The following DCAF8L2 variants were observed in gnomAD, a reference collection of about 807,000 sequenced individuals.
DCAF8L2 encodes DDB1- and CUL4-associated factor 8-like protein 2.
For synonymous variants in DCAF8L2, 200 were observed against 190.9 expected (o/e 1.05, Z -0.39); for missense variants, 430 against 490.7 (o/e 0.88, Z 1.17).
At chrX:27,518,956 G>GT in the DCAF8L2 span, 1 of 605,340 alleles carries the variant, frequency 1.7e-6, no homozygotes, top group Non-Finnish European at 2.8e-6. Flanking sequence ...ACCTGATTTT[G>GT]TTTTTTATGC....
At chrX:27,608,820 T>C (rs937406793) in intron 1 of DCAF8L2, among the ~76,000 whole-genome samples, 1 of 110,621 alleles carries the variant, frequency 9.0e-6, no homozygotes, top group African/African-American at 3.3e-5. Flanking sequence ...AATTTCACTT[T>C]CCTAGGAGAG....
intron 2 of DCAF8L2, among the ~76,000 whole-genome samples, chrX:27,670,479 T>G (rs1333696010): frequency 3.6e-5 from 4 of 111,612 alleles, no homozygotes; most frequent in Admixed American, 9.6e-5. Context: ...AGTGGGTTGT[T>G]GCTGCAGGCT....
intron 2 of DCAF8L2, among the ~76,000 whole-genome samples, chrX:27,671,328 T>C (rs2147226576): frequency 8.9e-6 from 1 of 112,286 alleles, no homozygotes; most frequent in South Asian, 3.7e-4. Flanking sequence ...CAAATTCATC[T>C]TTATTCTGCC....
At chrX:27,557,203 A>G in the DCAF8L2 span, among the ~76,000 whole-genome samples, 2 of 112,402 alleles carry the variant, frequency 1.8e-5, no homozygotes, top group South Asian at 3.7e-4. Flanking sequence ...AATTATTTCT[A>G]TCAGTTTGAA....
chrX:27,537,310 G>A, the DCAF8L2 span, among the ~76,000 whole-genome samples: 3 of 111,769 alleles, frequency 2.7e-5, no homozygotes, highest in East Asian at 8.4e-4. Flanking sequence ...TACAGTTTAA[G>A]CACAGAAATA....
At chrX:27,703,220 G>A (rs1293181256) in intron 3 of DCAF8L2, among the ~76,000 whole-genome samples, 2 of 111,400 alleles carry the variant, frequency 1.8e-5, no homozygotes, top group African/African-American at 6.5e-5. Flanking sequence ...CACATCCCAT[G>A]TTGACAGAAC....
chrX:27,481,934 G>A, the DCAF8L2 span, among the ~76,000 whole-genome samples: 17 of 111,408 alleles, frequency 1.5e-4, no homozygotes, highest in Non-Finnish European at 3.2e-4. Flanking sequence ...AGTTGATTTG[G>A]ACATATTATA....
chrX:27,656,087 A>G (rs901603809), intron 2 of DCAF8L2, among the ~76,000 whole-genome samples: 1 of 111,609 alleles, frequency 9.0e-6, no homozygotes, highest in Non-Finnish European at 1.9e-5. Context: ...TATTTGTGGA[A>G]GAATATGTAG....
intron 1 of DCAF8L2, among the ~76,000 whole-genome samples, chrX:27,611,822 T>C (rs1193644658): frequency 9.0e-6 from 1 of 111,488 alleles, no homozygotes; most frequent in Non-Finnish European, 1.9e-5. Flanking sequence ...ATGTGCCACA[T>C]TTTCTTAATC....
chrX:27,747,268 G>C lies in DCAF8L2; in HGVS notation c.373G>C (p.Gly125Arg). The C allele has an allele frequency of 5.2e-6, 6 of 1,143,283 alleles. No homozygotes were observed. The highest frequency in any genetic ancestry group is 6.9e-6 in the Non-Finnish European group (6 of 864,085). The allele number at this position is 1,143,283 out of a possible 1,213,427, so 94.2% of individuals were successfully genotyped here. A position where few individuals can be genotyped will look rare whatever the true frequency, so the allele number is the denominator to read the frequency against. ...AGACGAAGAGATACAAGAGGAGGGA[G>C]GGGAGGAGGAGGAAGAGGAGGAGGA... is the stretch of plus-strand genomic sequence containing the variant. ...EEDEEIQEEG[G>R]EEEEEEEEEE... The change falls in exon 5 of 5, where the codon GGG becomes CGG. Residue 125 changes from glycine (G) to arginine (R), a missense_variant. By Grantham distance (125) the Gly-to-Arg change is moderately radical. Coordinates refer to ENST00000451261, the MANE Select transcript of DCAF8L2 (RefSeq NM_001353450.2).
At chrX:27,685,361 G>T (rs2147245702) in intron 3 of DCAF8L2, among the ~76,000 whole-genome samples, 1 of 111,272 alleles carries the variant, frequency 9.0e-6, no homozygotes. Context: ...ATAATTTGTG[G>T]GTGACAAGAC....
chrX:27,476,990 T>G, the DCAF8L2 span, among the ~76,000 whole-genome samples: 10 of 112,254 alleles, frequency 8.9e-5, no homozygotes, highest in South Asian at 3.7e-3. Context: ...CTAGGACAAG[T>G]TGAAAGTAGG....
At chrX:27,523,923 C>G in the DCAF8L2 span, among the ~76,000 whole-genome samples, 2 of 111,073 alleles carry the variant, frequency 1.8e-5, no homozygotes, top group Non-Finnish European at 3.8e-5. Flanking sequence ...CAGCTTCATT[C>G]CGTTTGCCGG....
At chrX:27,568,820 G>A in the DCAF8L2 span, among the ~76,000 whole-genome samples, 4 of 102,624 alleles carry the variant, frequency 3.9e-5, no homozygotes, top group Non-Finnish European at 7.9e-5. Flanking sequence ...ATCCCTCCCC[G>A]CTCCCCCCAC....
chrX:27,609,451 C>T (rs1927059732), intron 1 of DCAF8L2, among the ~76,000 whole-genome samples: 1 of 111,502 alleles, frequency 9.0e-6, no homozygotes, highest in African/African-American at 3.3e-5. Context: ...AAAATTCTGG[C>T]TACATTTCAA....
chrX:27,488,481 G>A, the DCAF8L2 span, among the ~76,000 whole-genome samples: 2 of 106,025 alleles, frequency 1.9e-5, no homozygotes, highest in African/African-American at 6.8e-5. Flanking sequence ...AAACACAAAG[G>A]CTTTTTTACA....
chrX:27,502,333 AAAATATATATATATATATAT>A, the DCAF8L2 span, among the ~76,000 whole-genome samples: 17 of 23,308 alleles, frequency 7.3e-4, 1 homozygote, highest in East Asian at 0.011. Flanking sequence ...AAAAAAAAAA[AAAATATATATATATATATAT>A]ATATATATAT....
the DCAF8L2 span, chrX:27,519,717 G>A: frequency 1.8e-6 from 1 of 570,135 alleles, no homozygotes. Context: ...GTGTTAAGAA[G>A]CAACTTCAGG....
At position 27,621,704 on chromosome X, in the gene DCAF8L2, G is replaced by T. The variant is rs184927335; in HGVS notation, c.-341-10175G>T. Among the ~76,000 whole-genome samples, 305 of 111,909 alleles carry T rather than the reference G, an allele frequency of 2.7e-3. 1 individual carries two copies. Among genetic ancestry groups the T allele is most frequent in the African/African-American group, 9.3e-3 (287 of 30,821 alleles). ...ATGTGTGCAATAGGAGTTCTATTAA[G>T]ATGCTGGGGCAGGCACTGTGGCTCA... On this transcript the variant is annotated intron_variant, in intron 1 of 4. Coordinates refer to ENST00000451261, the MANE Select transcript of DCAF8L2 (RefSeq NM_001353450.2).
Sources: gnomAD v4.1 joint callset for allele counts (sites outside exome capture counted in the v4.1 genomes callset) on GRCh38, gnomAD v4.1.1 for gene constraint, MANE v1.5 for transcripts, NCBI Gene and HGNC (gene_info 2026-07-23, HGNC 2026-07-21) for gene names.